Variants in ZNF608 observed in about 807,000 individuals in gnomAD.
ZNF608 encodes renal carcinoma antigen NY-REN-36.
ZNF608 carries 12 observed loss-of-function variants against 109.0 expected under a neutral mutation model. The observed-to-expected ratio is 0.11, with a 90% CI of 0.07 to 0.18. The LOEUF is 0.18. ZNF608 is among the 10% of genes least tolerant of loss of function. The pLI is 1.00. For synonymous variants in ZNF608, 732 were observed against 717.4 expected (o/e 1.02, Z -0.33); for missense variants, 1,707 against 1,879.3 (o/e 0.91, Z 1.70).
chr5:124,647,687 C>G lies in ZNF608; in HGVS notation c.2697G>C (p.Gly899=). 6.2e-7 allele frequency: 1 copy of G among 1,614,218 alleles called. No homozygotes were observed. The highest frequency in any genetic ancestry group is 1.3e-5 in the African/African-American group (1 of 75,062). Residue 899 remains glycine, a synonymous_variant, in exon 5 of 10, where the codon GGG becomes GGC. Coordinates refer to ENST00000513986, the MANE Select transcript of ZNF608 (RefSeq NM_020747.3). ...FTDNAPSPSI[G]SASRLECSTL... is the part of the protein sequence containing the mutation. ...TGCTGCATTCCAGCCTCGAGGCGCT[C>G]CCTATGGAAGGGCTGGGAGCGTTGT...
At chr5:124,640,762 G>A (rs73296606) in intron 8 of ZNF608, among the ~76,000 whole-genome samples, 2,506 of 152,214 alleles carry the variant, frequency 0.016, 64 homozygotes, top group African/African-American at 0.056. Context: ...TAGTGAAGTC[G>A]CAGCAGTGAA....
intron 3 of ZNF608, among the ~76,000 whole-genome samples, chr5:124,694,142 A>ATTTTTTTTTTTTTTTTTTTTTTT (rs11320730): frequency 1.6e-5 from 1 of 63,938 alleles, no homozygotes; most frequent in Admixed American, 2.7e-4. Flanking sequence ...CGCTCGGCTA[A>ATTTTTTTTTTTTTTTTTTTTTTT]TTTTTTTTTT....
chr5:124,720,339 T>C (rs920567198), intron 2 of ZNF608, among the ~76,000 whole-genome samples: 2 of 152,208 alleles, frequency 1.3e-5, no homozygotes, highest in African/African-American at 2.4e-5. Flanking sequence ...TTTTATAATA[T>C]ATCTGACTAT....
At chr5:124,690,948 C>CAAAA (rs33992371) in intron 3 of ZNF608, among the ~76,000 whole-genome samples, 5 of 139,658 alleles carry the variant, frequency 3.6e-5, no homozygotes, top group African/African-American at 1.6e-4. Context: ...CACACACACA[C>CAAAA]ACACACATAA....
chr5:124,705,501 A>G (rs915128188), intron 2 of ZNF608, among the ~76,000 whole-genome samples: 1 of 152,224 alleles, frequency 6.6e-6, no homozygotes, highest in Non-Finnish European at 1.5e-5. Context: ...TGCTTAGGTC[A>G]GTAAACACTG....
At chr5:124,727,697 C>T (rs1210697429) in intron 2 of ZNF608, among the ~76,000 whole-genome samples, 1 of 146,046 alleles carries the variant, frequency 6.8e-6, no homozygotes, top group Admixed American at 6.9e-5. Flanking sequence ...CAGCTTCAGC[C>T]TCATCAGTTG....
Position 124,647,206 on chromosome 5 carries a change from G to C in ZNF608, c.3178C>G (p.Gln1060Glu), listed in dbSNP as rs1750553057. ...GTGATCACCGACTGGTGCTGAGGCT[G>C]TAAGGATGCAGAATTGTGGTCCACT... ...KKVDHNSASLQPQHQSVITQR... is the reference protein window; with the variant it reads ...KKVDHNSASLEPQHQSVITQR... Residue 1060 changes from glutamine to glutamate, a missense_variant, in exon 5 of 10, where the codon CAG becomes GAG. By Grantham distance (29) the Gln-to-Glu change is conservative (BLOSUM62 2). This residue lies in a region of ZNF608 where 1,073 missense variants were observed against 1,133.5 expected (regional missense o/e 0.95). Transcript: ENST00000513986. 3.1e-6 allele frequency: 5 copies of C among 1,614,204 alleles called. No homozygotes were observed. The highest frequency in any genetic ancestry group is 4.2e-6 in the Non-Finnish European group (5 of 1,180,042).
At chr5:124,646,530 A>G in intron 5 of ZNF608, 149 bp downstream of exon 5, 1 of 947,858 alleles carries the variant, frequency 1.1e-6, no homozygotes, top group Non-Finnish European at 1.5e-6. Flanking sequence ...GTAACTCCTG[A>G]GAATCTTAAG....
intron 2 of ZNF608, among the ~76,000 whole-genome samples, chr5:124,743,854 A>AAGCAGCAGCAGCAGC (rs144751589): frequency 1.3e-5 from 2 of 151,178 alleles, no homozygotes; most frequent in African/African-American, 2.4e-5. Context: ...CTAGCATCAC[A>AAGCAGCAGCAGCAGC]AGCAGCAGCA....
intron 2 of ZNF608, among the ~76,000 whole-genome samples, chr5:124,714,243 G>A (rs888756401): frequency 2.6e-5 from 4 of 152,338 alleles, no homozygotes; most frequent in Admixed American, 2.6e-4. Context: ...TTGAAAACCA[G>A]GATATTTTAT....
At chr5:124,683,239 A>G (rs918747966) in intron 3 of ZNF608, among the ~76,000 whole-genome samples, 1 of 152,202 alleles carries the variant, frequency 6.6e-6, no homozygotes. Context: ...CTACAGCCTG[A>G]TTGAAACCTT....
Position 124,637,758 on chromosome 5 carries a change from T to TA in ZNF608, c.*141dup. On this transcript the variant is annotated 3_prime_UTR_variant, in exon 10 of 10. Coordinates refer to ENST00000513986, the MANE Select transcript of ZNF608 (RefSeq NM_020747.3). ...TACAGCAACATTTGTTACTCTGTGA[T>TA]AAAATCTGTAATTTACAAAAATGAA... 1.4e-6 allele frequency: 1 copy of TA among 730,752 alleles called. No homozygotes were observed. Among genetic ancestry groups the TA allele is most frequent in the Non-Finnish European group, 2.2e-6 (1 of 452,212 alleles). 45.3% of individuals were successfully genotyped at this position (730,752 alleles called of 1,614,324 possible).
intron 2 of ZNF608, chr5:124,734,785 G>A (rs1749069986): frequency 6.6e-6 from 1 of 152,122 alleles, no homozygotes; most frequent in African/African-American, 2.4e-5. Context: ...TTGTGTTTTG[G>A]CCAAAGTATA....
intron 3 of ZNF608, among the ~76,000 whole-genome samples, chr5:124,675,621 G>T (rs1362678421): frequency 1.3e-5 from 2 of 152,120 alleles, no homozygotes; most frequent in Non-Finnish European, 2.9e-5. Context: ...AGAGTTTAAT[G>T]ACTTGTTTAA....
chr5:124,695,846 T>C (rs191415534), intron 3 of ZNF608, among the ~76,000 whole-genome samples: 56 of 151,972 alleles, frequency 3.7e-4, no homozygotes, highest in Admixed American at 1.9e-3. Context: ...TTTGGAGATA[T>C]AGGAGAAGCA....
chr5:124,734,005 A>G (rs1749029733), intron 2 of ZNF608, among the ~76,000 whole-genome samples: 1 of 152,192 alleles, frequency 6.6e-6, no homozygotes, highest in African/African-American at 2.4e-5. Flanking sequence ...TTATGATTAT[A>G]TATGATAAAG....
intron 5 of ZNF608, 119 bp downstream of exon 5, chr5:124,646,560 G>GA: frequency 7.7e-7 from 1 of 1,302,994 alleles, no homozygotes; most frequent in African/African-American, 1.5e-5. Context: ...AAGAGCAGAG[G>GA]AAAAAACTAA....
chr5:124,637,766 G>A lies in ZNF608; in HGVS notation c.*134C>T. 1 of 822,608 alleles carries A rather than the reference G, an allele frequency of 1.2e-6. No homozygotes were observed. The highest frequency in any genetic ancestry group is 1.9e-6 in the Non-Finnish European group (1 of 527,136). 51.0% of individuals were successfully genotyped at this position (822,608 alleles called of 1,614,324 possible). A position where few individuals can be genotyped will look rare whatever the true frequency, so the allele number is the denominator to read the frequency against. ...CATTTGTTACTCTGTGATAAAATCTGTAATTTACAAAAATGAAATGACTGG... is the reference window on the plus strand; with the variant it reads ...CATTTGTTACTCTGTGATAAAATCTATAATTTACAAAAATGAAATGACTGG... On this transcript the variant is annotated 3_prime_UTR_variant, in exon 10 of 10. Transcript: ENST00000513986.
chr5:124,680,677 C>T (rs1752155609), intron 3 of ZNF608, among the ~76,000 whole-genome samples: 2 of 152,118 alleles, frequency 1.3e-5, no homozygotes, highest in Admixed American at 1.3e-4. Context: ...ACAAAAAATA[C>T]ACATGACAAA....
Sources: allele counts gnomAD v4.1 joint callset (sites outside exome capture counted in the v4.1 genomes callset), GRCh38; gene constraint gnomAD v4.1.1; regional missense constraint gnomAD v4.1.1; transcripts MANE v1.5; gene names NCBI Gene and HGNC (gene_info 2026-07-23, HGNC 2026-07-21).